COL25A1: variants seen among roughly 807,000 people sequenced by gnomAD.
COL25A1 encodes the protein collagen type XXV alpha 1 chain.
COL25A1 carries 103 observed loss-of-function variants against 128.4 expected under a neutral mutation model. The ratio of observed to expected loss-of-function variants is 0.80; its 90% CI spans 0.68 to 0.94. COL25A1 has a LOEUF of 0.94. Ranked by LOEUF, COL25A1 falls within the 40% of genes least tolerant of loss-of-function variation. The pLI is 0.00. For synonymous variants in COL25A1, 279 were observed against 277.2 expected (o/e 1.01, Z -0.06); for missense variants, 745 against 840.0 (o/e 0.89, Z 1.40).
In COL25A1 at chr4:108,889,736, A is replaced by G; in HGVS notation, c.907-3T>C. ...GCAGCAGATGATCCAGGGTCACCCT[A>G]AAACGAAACCCAGGAGAGATTATCT... On this transcript the variant is annotated splice_region_variant and splice_polypyrimidine_tract_variant and intron_variant, in intron 16 of 37. Coordinates refer to ENST00000399132, the MANE Select transcript of COL25A1 (RefSeq NM_198721.4). 1 of 1,613,116 alleles carries G rather than the reference A, an allele frequency of 6.2e-7. No individual in the cohort carries two copies. Among genetic ancestry groups the G allele is most frequent in the Non-Finnish European group, 8.5e-7 (1 of 1,179,208 alleles).
At chr4:108,978,354 C>T (rs551930292) in intron 6 of COL25A1, among the ~76,000 whole-genome samples, 44 of 152,244 alleles carry the variant, frequency 2.9e-4, no homozygotes, top group Non-Finnish European at 5.9e-4. Context: ...CTCTTCCTTC[C>T]GAATTGGACC....
At chr4:108,834,936 A>G (rs191518251) in intron 31 of COL25A1, among the ~76,000 whole-genome samples, 314 of 152,328 alleles carry the variant, frequency 2.1e-3, no homozygotes, top group Middle Eastern at 0.01. Flanking sequence ...TACATGAACA[A>G]TAATTACTCA....
intron 10 of COL25A1, among the ~76,000 whole-genome samples, chr4:108,938,446 C>T (rs1356222375): frequency 6.6e-6 from 1 of 152,104 alleles, no homozygotes; most frequent in Non-Finnish European, 1.5e-5. Flanking sequence ...GGTATGATGA[C>T]ACATGCCTGT....
rs568703800 is a variant in COL25A1 at position 109,214,762 on chromosome 4, T to G, written c.367+85821A>C. Among the ~76,000 whole-genome samples the G allele has an allele frequency of 8.9e-4, 135 of 152,202 alleles. 2 individuals are homozygous for G. Among genetic ancestry groups the G allele is most frequent in the Middle Eastern group, 3.4e-3 (1 of 294 alleles). ...AAGCAGAAGAGATCAGAACTGGTGATGTTAGTCTGAGTCAAAGATGCCAAA... is the reference window on the plus strand; with the variant it reads ...AAGCAGAAGAGATCAGAACTGGTGAGGTTAGTCTGAGTCAAAGATGCCAAA... On this transcript the variant is annotated intron_variant, in intron 3 of 37. Coordinates refer to ENST00000399132, the MANE Select transcript of COL25A1 (RefSeq NM_198721.4).
At chr4:108,831,707 AG>A (rs1578478727) in intron 32 of COL25A1, among the ~76,000 whole-genome samples, 2 of 152,014 alleles carry the variant, frequency 1.3e-5, no homozygotes, top group East Asian at 3.9e-4. Context: ...AGAGAGAGAG[AG>A]AGAGAGAGCG....
chr4:108,897,254 A>G (rs901810678), intron 15 of COL25A1, among the ~76,000 whole-genome samples: 1 of 152,196 alleles, frequency 6.6e-6, no homozygotes, highest in African/African-American at 2.4e-5. Flanking sequence ...CATGGTTTGC[A>G]TTTGTGAAAT....
At chr4:109,087,432 G>A (rs980194127) in intron 3 of COL25A1, among the ~76,000 whole-genome samples, 2 of 152,010 alleles carry the variant, frequency 1.3e-5, no homozygotes, top group African/African-American at 4.8e-5. Context: ...GAAATGCCAC[G>A]GCCTAACTCA....
intron 3 of COL25A1, among the ~76,000 whole-genome samples, chr4:109,209,055 G>C (rs1308485570): frequency 6.6e-6 from 1 of 152,106 alleles, no homozygotes; most frequent in Non-Finnish European, 1.5e-5. Flanking sequence ...ATGTTATGTA[G>C]GGGCATTGCT....
rs1780842971 is a variant in COL25A1, at chr4:109,253,901, C to T, written c.367+46682G>A. ...AGGAGATTGAGACCATCCTGGCTAA[C>T]ACGGTGAAACCCTGTCTCTACTAAA... is the stretch of plus-strand genomic sequence containing the variant. On this transcript the variant is annotated intron_variant, in intron 3 of 37. Transcript: ENST00000399132. 3.9e-5 allele frequency among the ~76,000 whole-genome samples: 6 copies of T among 152,170 alleles called. No homozygotes were observed. In the South Asian group the frequency reaches 1.2e-3, roughly 32 times the overall value.
intron 5 of COL25A1, among the ~76,000 whole-genome samples, chr4:109,019,369 C>T (rs57351178): frequency 1.2e-3 from 11 of 9,226 alleles, no homozygotes; most frequent in Admixed American, 2.1e-3. Flanking sequence ...CACACACACA[C>T]ACACACATAT....
chr4:108,911,438 T>G (rs775795717), intron 13 of COL25A1, among the ~76,000 whole-genome samples: 1 of 150,870 alleles, frequency 6.6e-6, no homozygotes, highest in African/African-American at 2.4e-5. Context: ...CTATAGATTT[T>G]TCATATAATT....
chr4:108,862,434 G>T, intron 22 of COL25A1, 67 bp downstream of exon 22: 3 of 1,209,192 alleles, frequency 2.5e-6, no homozygotes, highest in South Asian at 2.5e-5. Context: ...ATGCCTCTGT[G>T]GCAAAGGCAA....
chr4:109,227,956 T>C (rs1477812276), intron 3 of COL25A1, among the ~76,000 whole-genome samples: 1 of 152,116 alleles, frequency 6.6e-6, no homozygotes, highest in African/African-American at 2.4e-5. Context: ...GACAATGGTG[T>C]AACTCTCAAG....
intron 3 of COL25A1, among the ~76,000 whole-genome samples, chr4:109,153,418 T>A (rs1771715899): frequency 6.6e-6 from 1 of 151,998 alleles, no homozygotes; most frequent in African/African-American, 2.4e-5. Flanking sequence ...TATGTGCTTT[T>A]TTAATAACCA....
intron 3 of COL25A1, among the ~76,000 whole-genome samples, chr4:109,229,684 A>G (rs995879143): frequency 1.3e-5 from 2 of 152,206 alleles, no homozygotes; most frequent in African/African-American, 4.8e-5. Context: ...TGGTTACACT[A>G]TAAGAGCTGA....
intron 3 of COL25A1, among the ~76,000 whole-genome samples, chr4:109,115,023 T>G (rs1767400906): frequency 6.6e-6 from 1 of 152,146 alleles, no homozygotes; most frequent in Non-Finnish European, 1.5e-5. Context: ...TATTAAAAAT[T>G]TATGAACATA....
intron 3 of COL25A1, among the ~76,000 whole-genome samples, chr4:109,156,239 C>T (rs957404670): frequency 6.6e-6 from 1 of 152,210 alleles, no homozygotes; most frequent in Non-Finnish European, 1.5e-5. Flanking sequence ...CTTTCTCAAG[C>T]ACGTTGTCTT....
chr4:109,005,691 CAG>C (rs1188345377), intron 6 of COL25A1, among the ~76,000 whole-genome samples: 3 of 152,120 alleles, frequency 2.0e-5, no homozygotes, highest in South Asian at 2.1e-4. Flanking sequence ...ATGACTCAGA[CAG>C]GGGTGGGAAA....
At chr4:108,993,860 C>CAAAA (rs34070808) in intron 6 of COL25A1, among the ~76,000 whole-genome samples, 5,330 of 132,458 alleles carry the variant, frequency 0.04, 328 homozygotes, top group African/African-American at 0.13. Context: ...AACTCCATCT[C>CAAAA]AAAAAAAAAA....
Sources: allele counts gnomAD v4.1 joint callset (sites outside exome capture counted in the v4.1 genomes callset), GRCh38; gene constraint gnomAD v4.1.1; transcripts MANE v1.5; gene names NCBI Gene and HGNC (gene_info 2026-07-23, HGNC 2026-07-21).